The following ARHGEF1 variants were observed in gnomAD, a reference collection of about 807,000 sequenced individuals.
ARHGEF1 encodes the protein Rho guanine nucleotide exchange factor 1, also known as 115 kDa guanine nucleotide exchange factor.
In ARHGEF1, 40 loss-of-function variants were observed where a neutral mutation model predicts 119.7. The ratio of observed to expected loss-of-function variants is 0.33; its 90% CI spans 0.26 to 0.44. The LOEUF is 0.44. Ranked by LOEUF, ARHGEF1 falls within the 20% of genes least tolerant of loss-of-function variation. ARHGEF1 has a pLI of 1.00. For synonymous variants in ARHGEF1, 494 were observed against 521.0 expected (o/e 0.95, Z 0.71); for missense variants, 976 against 1,268.3 (o/e 0.77, Z 3.50).
At chr19:41,908,432 G>A (rs891170), downstream of ARHGEF1, 58,919 of 1,231,110 alleles carry the variant, frequency 0.048, 13,444 homozygotes, top group African/African-American at 0.61. This position sits in a 1 kb window ranked among gnomAD's most constrained non-coding sequence, Gnocchi z 6.7. Flanking sequence ...AGGGGCGCTC[G>A]GGGCCCAGGC....
In ARHGEF1 at chr19:41,904,329, A is replaced by G. The variant is rs2074655209; in HGVS notation, c.2107A>G (p.Met703Val). The G allele has an allele frequency of 6.2e-7, 1 of 1,606,218 alleles. No individual in the cohort carries two copies. Among genetic ancestry groups the G allele is most frequent in the Non-Finnish European group, 8.5e-7 (1 of 1,177,870 alleles). The part of the protein sequence containing the change: ...TLTPTPDGKT[M>V]LRPVLRLTSA... ...GACGCCCACGCCCGATGGCAAGACC[A>G]TGCTGCGGCCCGTGCTGCGGCTCAC... The change falls in exon 22 of 29, where the codon ATG becomes GTG. Residue 703 changes from methionine (M) to valine (V), a missense_variant. Physicochemically the swap from Met to Val is conservative, Grantham distance 21 (BLOSUM62 1). Coordinates refer to ENST00000354532, the MANE Select transcript of ARHGEF1 (RefSeq NM_004706.4). This position sits in a 1 kb window ranked among gnomAD's most constrained non-coding sequence, Gnocchi z 8.4.
chr19:41,907,465 T>TGA (rs1162716842), downstream of ARHGEF1: 14 of 1,470,060 alleles, frequency 9.5e-6, no homozygotes, highest in Middle Eastern at 2.4e-4. Context: ...TCTGTGTGTG[T>TGA]GATGGCGGGG....
intron 1 of ARHGEF1, chr19:41,928,546 C>G (rs1310941865): frequency 2.4e-5 from 4 of 166,422 alleles, no homozygotes; most frequent in East Asian, 3.7e-4. Context: ...CCGCGCGCCT[C>G]CCGCCCTCGC....
Position 41,905,156 on chromosome 19 carries a change from A to G in ARHGEF1, c.2250-19A>G, listed in dbSNP as rs1180300990. The G allele has an allele frequency of 1.2e-6, 2 of 1,613,616 alleles. No individual in the cohort carries two copies. Among genetic ancestry groups the G allele is most frequent in the African/African-American group, 2.7e-5 (2 of 74,966 alleles). ...GTCTGGGGGCTCTGACTGCCCAGGG[A>G]TTTGGCCTTTCTCCCCAGCTGGTGT... On this transcript the variant is annotated intron_variant, in intron 23 of 28. Transcript: ENST00000354532. This position sits in a 1 kb window ranked among gnomAD's most constrained non-coding sequence, Gnocchi z 6.4.
intron 8 of ARHGEF1, 97 bp downstream of exon 8, chr19:41,893,400 G>A (rs1206784675): frequency 4.4e-6 from 4 of 900,570 alleles, no homozygotes; most frequent in Non-Finnish European, 6.0e-6. Flanking sequence ...GAGGCTGGGG[G>A]GCCTGGACGC....
chr19:41,909,076 G>A, downstream of ARHGEF1: 1 of 1,231,666 alleles, frequency 8.1e-7, no homozygotes, highest in Non-Finnish European at 1.0e-6. This position sits in a 1 kb window ranked among gnomAD's most constrained non-coding sequence, Gnocchi z 5.2. Context: ...CCAGGAATGG[G>A]AAAGGGCTGT....
rs531710124 is a variant in ARHGEF1 at position 41,917,683 on chromosome 19, C to T, written c.1866-5409C>T. On this transcript the variant is annotated intron_variant, in intron 18 of 20. Coordinates refer to the ARHGEF1 transcript ENST00000599589. This position sits in a 1 kb window ranked among gnomAD's most constrained non-coding sequence, Gnocchi z 4.8. ...ACACACACACCCTGACTGCACCCAC[C>T]CATGGCCACACGTTCAGGCACAATC... Among the ~76,000 whole-genome samples the T allele has an allele frequency of 6.6e-6, 1 of 152,020 alleles. No homozygotes were observed. The highest frequency in any genetic ancestry group is 1.9e-4 in the East Asian group (1 of 5,168).
rs782752793 is a variant in ARHGEF1, at chr19:41,904,181, G to C, written c.1994-35G>C. The C allele has an allele frequency of 6.2e-7, 1 of 1,611,372 alleles. No homozygotes were observed. Among genetic ancestry groups the C allele is most frequent in the Admixed American group, 1.7e-5 (1 of 59,980 alleles). The stretch of plus-strand genomic sequence containing the variant: ...GCCAAGGGCGGGGAGGGGGTCGCGC[G>C]GGGGCACGCCGTGTGAGCACTGCTC... On this transcript the variant is annotated intron_variant, in intron 21 of 28. Transcript: ENST00000354532. This position sits in a 1 kb window ranked among gnomAD's most constrained non-coding sequence, Gnocchi z 8.4.
At chr19:41,912,997 G>C in intron 18 of ARHGEF1, 4 of 715,422 alleles carry the variant, frequency 5.6e-6, no homozygotes, top group Non-Finnish European at 5.8e-6. Flanking sequence ...AGGTCAGCCA[G>C]CGGGGCGCTG....
intron 18 of ARHGEF1, among the ~76,000 whole-genome samples, chr19:41,913,897 C>T (rs2074769970): frequency 6.6e-6 from 1 of 151,088 alleles, no homozygotes; most frequent in East Asian, 2.0e-4. Context: ...GGCACTTCAG[C>T]CCCTCACTGC....
intron 13 of ARHGEF1, 128 bp from the exon 14 acceptor site, chr19:41,898,314 C>T (rs1401769042): frequency 7.0e-7 from 1 of 1,427,188 alleles, no homozygotes; most frequent in East Asian, 2.5e-5. Context: ...GAGACCTGGT[C>T]TGCTGCACGG....
At chr19:41,920,082 C>A (rs2074830608), upstream of ARHGEF1, among the ~76,000 whole-genome samples, 1 of 129,768 alleles carries the variant, frequency 7.7e-6, no homozygotes, top group African/African-American at 3.0e-5. Flanking sequence ...CACTCACAGA[C>A]ATGACACGCT....
In ARHGEF1 at chr19:41,892,629, G is replaced by A. The variant is rs782168958; in HGVS notation, c.394G>A (p.Glu132Lys). 6.2e-7 allele frequency: 1 copy of A among 1,610,650 alleles called. No homozygotes were observed. The highest frequency in any genetic ancestry group is 1.1e-5 in the South Asian group (1 of 90,672). The change falls in exon 7 of 29, where the codon GAG becomes AAG. Residue 132 changes from glutamate to lysine, a missense_variant. Physicochemically the swap from Glu to Lys is moderately conservative, Grantham distance 56. This residue lies in a region of ARHGEF1 where 519 missense variants were observed against 580.9 expected (regional missense o/e 0.89). Coordinates refer to ENST00000354532, the MANE Select transcript of ARHGEF1 (RefSeq NM_004706.4). This position sits in a 1 kb window ranked among gnomAD's most constrained non-coding sequence, Gnocchi z 6.3. Reference protein sequence around the residue: ...LDRTRADLISEDVQRRFVQEV... With the variant: ...LDRTRADLISKDVQRRFVQEV... ...CCGCACTAGGGCTGACCTCATCTCC[G>A]AGGATGTCCAGCGGCGGTTCGTGCA...
In ARHGEF1 at chr19:41,892,733, G is replaced by C; in HGVS notation, c.498G>C (p.Thr166=). 3 of 1,611,956 alleles carry C rather than the reference G, an allele frequency of 1.9e-6. No homozygotes were observed. The highest frequency in any genetic ancestry group is 2.5e-6 in the Non-Finnish European group (3 of 1,179,202). Residue 166 remains threonine (T), a synonymous_variant, in exon 7 of 29, where the codon ACG becomes ACC. Coordinates refer to ENST00000354532, the MANE Select transcript of ARHGEF1 (RefSeq NM_004706.4). This position sits in a 1 kb window ranked among gnomAD's most constrained non-coding sequence, Gnocchi z 6.3. ...DFRSKRLMGM[T]PWEQELAQLE... is the part of the protein sequence containing the mutation. Reference sequence around the variant, plus strand: ...GTTCCAAGCGGCTCATGGGCATGACGCCCTGGGAGCAGGAGCTGGCCCAGC... The same window carrying C: ...GTTCCAAGCGGCTCATGGGCATGACCCCCTGGGAGCAGGAGCTGGCCCAGC...
upstream of ARHGEF1, among the ~76,000 whole-genome samples, chr19:41,921,613 G>A (rs193116144): frequency 6.6e-5 from 10 of 152,234 alleles, no homozygotes; most frequent in African/African-American, 1.7e-4. This position sits in a 1 kb window ranked among gnomAD's most constrained non-coding sequence, Gnocchi z 4.4. Flanking sequence ...ACGGGAGAGC[G>A]AGGGCCGCAC....
chr19:41,887,688 T>C (rs1161875881), intron 1 of ARHGEF1, among the ~76,000 whole-genome samples: 1 of 152,222 alleles, frequency 6.6e-6, no homozygotes, highest in African/African-American at 2.4e-5. Context: ...CCATCCCCTC[T>C]TGCCTCTGGG....
At chr19:41,908,091 G>A (rs540590544), downstream of ARHGEF1, 240 of 611,272 alleles carry the variant, frequency 3.9e-4, 1 homozygote, top group East Asian at 8.2e-3. This position sits in a 1 kb window ranked among gnomAD's most constrained non-coding sequence, Gnocchi z 6.7. Context: ...CTGGGGCTGG[G>A]GAAGGAGACT....
At chr19:41,913,880 C>A (rs868966637) in intron 18 of ARHGEF1, among the ~76,000 whole-genome samples, 1 of 151,198 alleles carries the variant, frequency 6.6e-6, no homozygotes, top group Non-Finnish European at 1.5e-5. Flanking sequence ...CGAGACCCCT[C>A]CCCTCAGGCA....
At position 41,892,249 on chromosome 19, in the gene ARHGEF1, G is replaced by T; in HGVS notation, c.325-82G>T. The T allele has an allele frequency of 6.3e-7, 1 of 1,591,810 alleles. No individual in the cohort carries two copies. The highest frequency in any genetic ancestry group is 8.6e-7 in the Non-Finnish European group (1 of 1,162,762). ...AGGCCTTCCCCAGCACCCTCGCTTA[G>T]ACCAGGGTTCCTGGCAGTCCTCCCG... On this transcript the variant is annotated intron_variant, in intron 5 of 28. Transcript: ENST00000354532. The surrounding 1 kb of genome is among the most constrained non-coding windows in gnomAD (Gnocchi z 6.3).
Sources: allele counts gnomAD v4.1 joint callset (sites outside exome capture counted in the v4.1 genomes callset), GRCh38; gene constraint gnomAD v4.1.1; regional missense constraint gnomAD v4.1.1; non-coding constraint Gnocchi (gnomAD v3.1); transcripts MANE v1.5; gene names NCBI Gene and HGNC (gene_info 2026-07-23, HGNC 2026-07-21).